Variants in SHC3 observed in about 807,000 individuals in gnomAD.
SHC3 encodes SHC-transforming protein 3.
Under a neutral mutation model 60.4 loss-of-function variants are expected in SHC3, and 15 were observed. The observed-to-expected ratio is 0.25, with a 90% CI of 0.17 to 0.38. SHC3 has a LOEUF of 0.38. SHC3 is among the 10% of genes least tolerant of loss of function. SHC3 has a pLI of 1.00. For synonymous variants in SHC3, 294 were observed against 325.9 expected (o/e 0.90, Z 1.05); for missense variants, 677 against 786.1 (o/e 0.86, Z 1.66).
At chr9:89,142,485 C>T (rs1826407677) in intron 1 of SHC3, among the ~76,000 whole-genome samples, 1 of 151,754 alleles carries the variant, frequency 6.6e-6, no homozygotes, top group Admixed American at 6.6e-5. Context: ...AAGTTCAAAA[C>T]CAGCCTGGCC....
At chr9:89,137,925 T>C (rs551901562) in intron 1 of SHC3, among the ~76,000 whole-genome samples, 1 of 152,344 alleles carries the variant, frequency 6.6e-6, no homozygotes, top group African/African-American at 2.4e-5. Flanking sequence ...GCCATTATTT[T>C]GTAACAGAGT....
In SHC3 at chr9:89,013,181, T is replaced by C. The variant is rs531678898; in HGVS notation, c.*266A>G. The stretch of plus-strand genomic sequence containing the variant: ...CATTAAAAACATACAGCACAGAACA[T>C]TAGTCTTACATCTTTCTTAGTCTTA... On this transcript the variant is annotated 3_prime_UTR_variant, in exon 12 of 12. Transcript: ENST00000375835. 1 of 273,818 alleles carries C rather than the reference T, an allele frequency of 3.7e-6. No individual in the cohort carries two copies. The highest frequency in any genetic ancestry group is 6.7e-6 in the Non-Finnish European group (1 of 149,446). 17.0% of individuals were successfully genotyped at this position (273,818 alleles called of 1,614,324 possible).
At chr9:89,167,568 C>A (rs1430070517) in intron 1 of SHC3, among the ~76,000 whole-genome samples, 1 of 152,216 alleles carries the variant, frequency 6.6e-6, no homozygotes. Flanking sequence ...AGCTCACCCA[C>A]CTGACCGTGA....
chr9:89,135,704 ACT>A (rs1826309522), intron 1 of SHC3, among the ~76,000 whole-genome samples: 1 of 152,030 alleles, frequency 6.6e-6, no homozygotes, highest in African/African-American at 2.4e-5. Flanking sequence ...ATTTAGACTG[ACT>A]CTGTTTATTC....
intron 10 of SHC3, among the ~76,000 whole-genome samples, chr9:89,038,907 A>C (rs886937738): frequency 2.0e-5 from 3 of 152,188 alleles, no homozygotes; most frequent in Admixed American, 1.3e-4. Context: ...AGGCTCTCAC[A>C]TGAGTGCCTG....
At chr9:89,036,963 T>TA (rs34705440) in intron 11 of SHC3, among the ~76,000 whole-genome samples, 49,631 of 141,874 alleles carry the variant, frequency 0.35, 9,021 homozygotes, top group Non-Finnish European at 0.39. Context: ...ACATATATGT[T>TA]AAAAAAAAAA....
chr9:89,103,974 C>A (rs1825819229), intron 2 of SHC3, among the ~76,000 whole-genome samples: 1 of 152,048 alleles, frequency 6.6e-6, no homozygotes. Flanking sequence ...AGAAAAGGAG[C>A]AATCAGAGAG....
At chr9:89,173,962 A>T (rs1826906832) in intron 1 of SHC3, among the ~76,000 whole-genome samples, 1 of 152,236 alleles carries the variant, frequency 6.6e-6, no homozygotes, top group African/African-American at 2.4e-5. Flanking sequence ...TTTAAAGTTC[A>T]ACTCCACATC....
At chr9:89,109,109 T>A in intron 2 of SHC3, 1 of 985,562 alleles carries the variant, frequency 1.0e-6, no homozygotes, top group Non-Finnish European at 1.2e-6. Context: ...CTGGGCCAGG[T>A]CCTGGGGATA....
chr9:89,075,021 A>G, intron 4 of SHC3, 88 bp downstream of exon 4: 1 of 1,513,450 alleles, frequency 6.6e-7, no homozygotes. Context: ...ATGCTATGTG[A>G]GCTCAGTAAA....
rs138900483 is a variant in SHC3 at position 89,142,944 on chromosome 9, AGTATT to A, written c.475-30323_475-30319del. On this transcript the variant is annotated intron_variant, in intron 1 of 11. Transcript: ENST00000375835. Reference sequence around the variant, plus strand: ...TAGCCTTTGGGTTGGGGGCTTCCTCAGTATTGTCCCTTCCATGGTCACCAGAAAGA... The same window carrying A: ...TAGCCTTTGGGTTGGGGGCTTCCTCAGTCCCTTCCATGGTCACCAGAAAGA... Among the ~76,000 whole-genome samples, 862 of 152,212 alleles carry A rather than the reference AGTATT, an allele frequency of 5.7e-3. 2 individuals carry two copies. The highest frequency in any genetic ancestry group is 0.017 in the Middle Eastern group (5 of 294).
At chr9:89,066,863 A>G (rs933509663) in intron 5 of SHC3, among the ~76,000 whole-genome samples, 3 of 152,132 alleles carry the variant, frequency 2.0e-5, no homozygotes, top group African/African-American at 7.2e-5. Flanking sequence ...GAGAATGAGT[A>G]TGGGGTGGCC....
intron 2 of SHC3, among the ~76,000 whole-genome samples, chr9:89,101,171 C>T (rs1825777822): frequency 6.6e-6 from 1 of 152,034 alleles, no homozygotes; most frequent in South Asian, 2.1e-4. Context: ...TGTTTTTATG[C>T]TATTGTAAAT....
intron 11 of SHC3, among the ~76,000 whole-genome samples, chr9:89,033,033 A>C (rs997716059): frequency 6.9e-6 from 1 of 144,594 alleles, no homozygotes; most frequent in African/African-American, 2.5e-5. Flanking sequence ...CCACCGAAGA[A>C]CAGTCATTAG....
chr9:89,147,439 G>A (rs769684873), intron 1 of SHC3, among the ~76,000 whole-genome samples: 1 of 151,990 alleles, frequency 6.6e-6, no homozygotes, highest in Non-Finnish European at 1.5e-5. Flanking sequence ...GCAACATTGT[G>A]CCCCTTCCAT....
chr9:89,037,456 G>A, intron 11 of SHC3: 1 of 691,516 alleles, frequency 1.4e-6, no homozygotes, highest in South Asian at 1.6e-5. Flanking sequence ...GAAAAATTCA[G>A]CCAAACCTAC....
At chr9:89,139,448 T>C (rs1056746897) in intron 1 of SHC3, among the ~76,000 whole-genome samples, 1 of 152,236 alleles carries the variant, frequency 6.6e-6, no homozygotes, top group Non-Finnish European at 1.5e-5. Flanking sequence ...ACATAAGCTG[T>C]TTTTAAATTG....
intron 1 of SHC3, among the ~76,000 whole-genome samples, chr9:89,151,016 CTT>C (rs35724935): frequency 7.0e-4 from 98 of 140,486 alleles, no homozygotes; most frequent in Middle Eastern, 3.7e-3. Context: ...ATCTGCATGT[CTT>C]TTTTTTTTTT....
intron 7 of SHC3, among the ~76,000 whole-genome samples, chr9:89,049,235 T>G (rs1184230370): frequency 2.0e-5 from 3 of 152,142 alleles, no homozygotes; most frequent in Non-Finnish European, 2.9e-5. Flanking sequence ...CACTCCAGCC[T>G]GAGTGACAGA....
Sources: gnomAD v4.1 joint callset for allele counts (sites outside exome capture counted in the v4.1 genomes callset) on GRCh38, gnomAD v4.1.1 for gene constraint, MANE v1.5 for transcripts, NCBI Gene and HGNC (gene_info 2026-07-23, HGNC 2026-07-21) for gene names.